MRAP2: variants seen among roughly 807,000 people sequenced by gnomAD.
MRAP2 encodes melanocortin-2 receptor accessory protein 2.
In MRAP2, 20 loss-of-function variants were observed where a neutral mutation model predicts 17.4. That is an observed-to-expected ratio of 1.15 (90% CI 0.81 to 1.67). The LOEUF (loss-of-function observed/expected upper bound fraction) is 1.67, where lower values mean the gene tolerates loss of function less well. MRAP2 is among the 40% of genes most tolerant of loss of function. The pLI is 0.00. For synonymous variants in MRAP2, 96 were observed against 88.4 expected (o/e 1.09, Z -0.48); for missense variants, 238 against 240.0 (o/e 0.99, Z 0.05).
intron 3 of MRAP2, among the ~76,000 whole-genome samples, chr6:84,076,566 C>T (rs1296886512): frequency 6.6e-6 from 1 of 151,994 alleles, no homozygotes; most frequent in African/African-American, 2.4e-5. Context: ...CACCACGTTG[C>T]CCAGGCTGGT....
the MRAP2 span, among the ~76,000 whole-genome samples, chr6:84,144,489 T>C: frequency 1.3e-5 from 2 of 152,078 alleles, no homozygotes; most frequent in Non-Finnish European, 2.9e-5. Flanking sequence ...CATCCACAGA[T>C]AGTTAATTGT....
intron 1 of MRAP2, among the ~76,000 whole-genome samples, chr6:84,050,712 A>C (rs1363831949): frequency 1.3e-5 from 2 of 152,260 alleles, no homozygotes; most frequent in Non-Finnish European, 2.9e-5. Context: ...AAGAAGGATA[A>C]GAACAGGTAA....
the MRAP2 span, among the ~76,000 whole-genome samples, chr6:84,115,604 C>T: frequency 6.6e-6 from 1 of 152,198 alleles, no homozygotes; most frequent in Non-Finnish European, 1.5e-5. Context: ...CGCTGGTGTT[C>T]CGGGCACCAC....
chr6:84,102,256 T>C, the MRAP2 span, among the ~76,000 whole-genome samples: 1 of 152,188 alleles, frequency 6.6e-6, no homozygotes, highest in South Asian at 2.1e-4. Context: ...TGTGAATATG[T>C]TATTTATTGG....
the MRAP2 span, among the ~76,000 whole-genome samples, chr6:84,140,863 G>C: frequency 6.6e-6 from 1 of 152,152 alleles, no homozygotes; most frequent in South Asian, 2.1e-4. Flanking sequence ...TACTGGTCTA[G>C]AGCAGCAGTT....
At chr6:84,037,928 C>T (rs11966796) in intron 1 of MRAP2, among the ~76,000 whole-genome samples, 19 of 152,312 alleles carry the variant, frequency 1.2e-4, no homozygotes, top group Admixed American at 3.9e-4. Context: ...CAAGCATGGC[C>T]GGAGCAGACA....
the MRAP2 span, among the ~76,000 whole-genome samples, chr6:84,127,052 T>C: frequency 2.6e-5 from 4 of 152,178 alleles, no homozygotes; most frequent in African/African-American, 9.6e-5. Flanking sequence ...TACTGAGCCC[T>C]TTCTGTGTTG....
downstream of MRAP2, among the ~76,000 whole-genome samples, chr6:84,093,268 T>G (rs199836950): frequency 4.7e-5 from 7 of 150,286 alleles, no homozygotes; most frequent in East Asian, 3.9e-4. Context: ...GCAAGAAAAA[T>G]AGAGAGAGAG....
rs774777049 is a variant in MRAP2 at position 84,089,451 on chromosome 6, T to C, written c.588T>C (p.Leu196=). 6.2e-7 allele frequency: 1 copy of C among 1,613,780 alleles called. No homozygotes were observed. Among genetic ancestry groups the C allele is most frequent in the Non-Finnish European group, 8.5e-7 (1 of 1,179,910 alleles). Residue 196 remains leucine, a synonymous_variant, in exon 4 of 4, where the codon CTT becomes CTC. Transcript: ENST00000257776. ...CTATTGTTCTGGAAACTAAGCCACT[T>C]TCCCAGACCTCACACAAAGACCTGG... ...EPPIVLETKP[L]SQTSHKDLD
intron 1 of MRAP2, among the ~76,000 whole-genome samples, chr6:84,034,876 G>C (rs2099485563): frequency 6.6e-6 from 1 of 152,138 alleles, no homozygotes; most frequent in African/African-American, 2.4e-5. Flanking sequence ...GTAATAGTGG[G>C]GAGTAGGGGT....
At chr6:84,093,567 A>G (rs986543262), downstream of MRAP2, among the ~76,000 whole-genome samples, 3 of 149,422 alleles carry the variant, frequency 2.0e-5, no homozygotes, top group African/African-American at 7.7e-5. Flanking sequence ...CAAGGAAGTC[A>G]GCACTGCACA....
the MRAP2 span, chr6:84,125,408 G>A: frequency 6.1e-5 from 44 of 718,288 alleles, 1 homozygote; most frequent in East Asian, 1.2e-3. Context: ...CTGCGTGGAT[G>A]CAACATTTTC....
At chr6:84,052,194 T>G (rs1055983375) in intron 1 of MRAP2, among the ~76,000 whole-genome samples, 3 of 152,200 alleles carry the variant, frequency 2.0e-5, no homozygotes, top group African/African-American at 7.2e-5. Flanking sequence ...GAGAGGGTGG[T>G]TCTCAGGAGT....
chr6:84,099,167 A>G, the MRAP2 span, among the ~76,000 whole-genome samples: 3 of 150,028 alleles, frequency 2.0e-5, no homozygotes, highest in Non-Finnish European at 4.4e-5. Flanking sequence ...TGAGAGATCA[A>G]AAAAGATCCT....
chr6:84,134,917 TATAC>T, the MRAP2 span, among the ~76,000 whole-genome samples: 510 of 73,566 alleles, frequency 6.9e-3, 3 homozygotes, highest in East Asian at 0.017. Flanking sequence ...AAAGATCATA[TATAC>T]ACACACACAC....
chr6:84,134,804 G>T, the MRAP2 span, among the ~76,000 whole-genome samples: 4 of 151,886 alleles, frequency 2.6e-5, no homozygotes, highest in Non-Finnish European at 5.9e-5. Context: ...CATCTTGCCA[G>T]CCTCCCCCCC....
chr6:84,073,162 CT>C (rs1295100714), intron 3 of MRAP2, among the ~76,000 whole-genome samples: 7 of 152,178 alleles, frequency 4.6e-5, no homozygotes, highest in African/African-American at 1.7e-4. Context: ...GTTTCTCCCC[CT>C]GATCCCCTGG....
At chr6:84,083,407 CTTAAAG>C (rs1452976255) in intron 3 of MRAP2, among the ~76,000 whole-genome samples, 6 of 152,154 alleles carry the variant, frequency 3.9e-5, no homozygotes, top group Non-Finnish European at 8.8e-5. Flanking sequence ...AAGTAAGAAT[CTTAAAG>C]TTAAATATAT....
At chr6:84,054,850 A>G (rs940019008) in intron 1 of MRAP2, among the ~76,000 whole-genome samples, 9 of 152,158 alleles carry the variant, frequency 5.9e-5, no homozygotes, top group African/African-American at 2.2e-4. Flanking sequence ...AAATTCCCTT[A>G]TAGGGGAACA....
Sources: allele counts gnomAD v4.1 joint callset (sites outside exome capture counted in the v4.1 genomes callset), GRCh38; gene constraint gnomAD v4.1.1; transcripts MANE v1.5; gene names NCBI Gene and HGNC (gene_info 2026-07-23, HGNC 2026-07-21).